TRIP12: variants seen among roughly 807,000 people sequenced by gnomAD.
The protein encoded by TRIP12 is E3 ubiquitin-protein ligase TRIP12.
In TRIP12, 25 loss-of-function variants were observed where a neutral mutation model predicts 244.2. The observed-to-expected ratio is 0.10, with a 90% CI of 0.07 to 0.14. The LOEUF (loss-of-function observed/expected upper bound fraction) is 0.14, where lower values mean the gene tolerates loss of function less well. TRIP12 is among the 10% of genes least tolerant of loss of function. The probability of loss-of-function intolerance (pLI) is 1.00; values close to 1 mark genes in which losing one functional copy is unlikely to be tolerated. For synonymous variants in TRIP12, 905 were observed against 873.1 expected (o/e 1.04, Z -0.64); for missense variants, 1,677 against 2,486.4 (o/e 0.67, Z 6.92).
In TRIP12 at chr2:229,861,881, TA is replaced by T. The variant is rs199950303; in HGVS notation, c.99-1351del. Among the ~76,000 whole-genome samples the T allele has an allele frequency of 3.7e-3, 558 of 151,440 alleles. 4 individuals are homozygous for T. The highest frequency in any genetic ancestry group is 0.021 in the Middle Eastern group (6 of 292). The stretch of plus-strand genomic sequence containing the variant: ...GACTTATTAGAATAGATGAATTTCT[TA>T]AAAAAAAATAACAAAAAAACAAAAC... On this transcript the variant is annotated intron_variant, in intron 2 of 41. Coordinates refer to ENST00000675903, the MANE Select transcript of TRIP12 (RefSeq NM_001348323.3).
intron 39 of TRIP12, 151 bp from the exon 40 acceptor site, chr2:229,769,476 A>C: frequency 2.5e-6 from 1 of 401,374 alleles, no homozygotes; most frequent in Non-Finnish European, 4.2e-6. Flanking sequence ...AAAAATAATA[A>C]TAAAATAAAA....
Position 229,767,308 on chromosome 2 carries a change from T to TA in TRIP12, c.*245dup. 1 of 378,924 alleles carries TA rather than the reference T, an allele frequency of 2.6e-6. No individual in the cohort carries two copies. 23.5% of individuals were successfully genotyped at this position (378,924 alleles called of 1,614,324 possible). On this transcript the variant is annotated 3_prime_UTR_variant, in exon 42 of 42. Transcript: ENST00000675903. ...CATGTTAAAAACTTCACTCATCAAA[T>TA]AAATGATAATTTAAACAAGAACTTG... is the stretch of plus-strand genomic sequence containing the variant.
At position 229,807,778 on chromosome 2, in the gene TRIP12, G is replaced by T; in HGVS notation, c.2426C>A (p.Ala809Glu). 1 of 1,613,994 alleles carries T rather than the reference G, an allele frequency of 6.2e-7. No individual in the cohort carries two copies. The highest frequency in any genetic ancestry group is 8.5e-7 in the Non-Finnish European group (1 of 1,179,990). ...KKGNAQNTDGAIWQWRDDRGL... is the reference protein window; with the variant it reads ...KKGNAQNTDGEIWQWRDDRGL... Reference sequence around the variant, plus strand: ...CCGATCATCACGCCACTGCCATATCGCACCATCTGTGTTCTGTGCATTTCC... The same window carrying T: ...CCGATCATCACGCCACTGCCATATCTCACCATCTGTGTTCTGTGCATTTCC... Residue 809 changes from alanine to glutamate, a missense_variant, in exon 17 of 42, where the codon GCG (alanine) becomes GAG (glutamate). Ala to Glu is a moderately radical substitution (Grantham distance 107). Transcript: ENST00000675903.
At chr2:229,908,851 G>C (rs2073607030) in intron 1 of TRIP12, among the ~76,000 whole-genome samples, 1 of 152,116 alleles carries the variant, frequency 6.6e-6, no homozygotes, top group Admixed American at 6.6e-5. Flanking sequence ...CAGCATTCTG[G>C]GAGGCCGAGG....
At chr2:229,842,800 T>C (rs2056761919) in intron 4 of TRIP12, among the ~76,000 whole-genome samples, 1 of 152,232 alleles carries the variant, frequency 6.6e-6, no homozygotes. Flanking sequence ...TTTGAAGTGA[T>C]GACATATTTT....
At chr2:229,839,008 C>G (rs919683279) in intron 5 of TRIP12, among the ~76,000 whole-genome samples, 1 of 152,170 alleles carries the variant, frequency 6.6e-6, no homozygotes, top group African/African-American at 2.4e-5. Context: ...AATCATTCCC[C>G]CCTGCATTAC....
intron 1 of TRIP12, among the ~76,000 whole-genome samples, chr2:229,900,065 C>A (rs2154368857): frequency 6.6e-6 from 1 of 152,308 alleles, no homozygotes; most frequent in African/African-American, 2.4e-5. Context: ...AACACAGTTG[C>A]ACAAAATAAC....
intron 1 of TRIP12, among the ~76,000 whole-genome samples, chr2:229,917,569 C>G (rs1201452444): frequency 6.6e-6 from 1 of 151,966 alleles, no homozygotes; most frequent in Non-Finnish European, 1.5e-5. Flanking sequence ...AAAAGTGGCA[C>G]AGAATAATCC....
In TRIP12 at chr2:229,767,457, CG is replaced by C; in HGVS notation, c.*96del. ...AGCCGTTTTTCCTACAACAAGAAGG[CG>C]TAACATGTTTCCTTGACTCAGGTGA... On this transcript the variant is annotated 3_prime_UTR_variant, in exon 42 of 42. Transcript: ENST00000675903. 1 of 1,405,326 alleles carries C rather than the reference CG, an allele frequency of 7.1e-7. No individual in the cohort carries two copies. Among genetic ancestry groups the C allele is most frequent in the African/African-American group, 1.4e-5 (1 of 69,176 alleles). The allele number at this position is 1,405,326 out of a possible 1,614,324, so 87.1% of individuals were successfully genotyped here.
chr2:229,768,566 C>G (rs2032829583), intron 41 of TRIP12, 50 bp downstream of exon 41: 9 of 1,573,834 alleles, frequency 5.7e-6, no homozygotes, highest in Non-Finnish European at 7.8e-6. Flanking sequence ...TTCACACTCA[C>G]AAACCCACCC....
At chr2:229,880,986 T>A (rs759552238) in intron 1 of TRIP12, among the ~76,000 whole-genome samples, 4 of 152,144 alleles carry the variant, frequency 2.6e-5, no homozygotes, top group African/African-American at 4.8e-5. Flanking sequence ...TATAGTATCT[T>A]ACTGAAAAGA....
chr2:229,906,610 C>CT (rs1445940035), intron 1 of TRIP12, among the ~76,000 whole-genome samples: 1 of 151,022 alleles, frequency 6.6e-6, no homozygotes, highest in African/African-American at 2.4e-5. Context: ...GTCCCAGCTA[C>CT]TTGGGAGGCT....
chr2:229,903,497 A>G (rs2071684158), intron 1 of TRIP12, among the ~76,000 whole-genome samples: 1 of 152,084 alleles, frequency 6.6e-6, no homozygotes, highest in Admixed American at 6.6e-5. Context: ...ACGGAGCAAG[A>G]AGAGCAAGTA....
Position 229,799,326 on chromosome 2 carries a change from T to C in TRIP12, c.3264A>G (p.Pro1088=). The C allele has an allele frequency of 6.2e-7, 1 of 1,614,200 alleles. No individual in the cohort carries two copies. The highest frequency in any genetic ancestry group is 1.3e-5 in the African/African-American group (1 of 75,050). The stretch of plus-strand genomic sequence containing the variant: ...CATCATCTCTTGGAGGTGAGTACTT[T>C]GGCCTTCTTGGCCCTCGTTTTGGCA... ...KRLPKRGPRR[P]KYSPPRDDDK... is the part of the protein sequence containing the mutation. Residue 1088 remains proline (P), a synonymous_variant, in exon 22 of 42, where the codon CCA becomes CCG. Transcript: ENST00000675903.
At chr2:229,900,351 C>T (rs998494798) in intron 1 of TRIP12, among the ~76,000 whole-genome samples, 13 of 152,150 alleles carry the variant, frequency 8.5e-5, no homozygotes, top group Admixed American at 3.3e-4. Flanking sequence ...AACCAACAAA[C>T]GTATTTTCTA....
chr2:229,883,099 G>C (rs1445023313), intron 1 of TRIP12, among the ~76,000 whole-genome samples: 1 of 152,158 alleles, frequency 6.6e-6, no homozygotes, highest in Admixed American at 6.5e-5. Context: ...TAAAACCAGA[G>C]GGCTGGAAGG....
At chr2:229,895,705 A>G (rs184282504) in intron 1 of TRIP12, among the ~76,000 whole-genome samples, 25 of 152,090 alleles carry the variant, frequency 1.6e-4, no homozygotes, top group African/African-American at 6.0e-4. Context: ...CCAGAAGTAG[A>G]AGAGTGAAGA....
In TRIP12 at chr2:229,767,665, T is replaced by G; in HGVS notation, c.6093A>C (p.Val2031=). 6.2e-7 allele frequency: 1 copy of G among 1,614,166 alleles called. No individual in the cohort carries two copies. Among genetic ancestry groups the G allele is most frequent in the Non-Finnish European group, 8.5e-7 (1 of 1,180,014 alleles). ...TENPDDFLPS[V]MTCVNYLKLP... is the part of the protein sequence containing the mutation. ...ACTTAAGATAGTTCACACAAGTCAT[T>G]ACAGAGGGCAAGAAGTCATCTGGGT... The change falls in exon 42 of 42, where the codon GTA becomes GTC. Residue 2031 remains valine, a synonymous_variant. Transcript: ENST00000675903.
chr2:229,814,199 G>A (rs2047945545), intron 12 of TRIP12, 34 bp downstream of exon 12: 1 of 1,601,010 alleles, frequency 6.2e-7, no homozygotes, highest in Non-Finnish European at 8.5e-7. Flanking sequence ...TCTACATAAA[G>A]TGAAATGTAG....
Sources: allele counts gnomAD v4.1 joint callset (sites outside exome capture counted in the v4.1 genomes callset), GRCh38; gene constraint gnomAD v4.1.1; transcripts MANE v1.5; gene names NCBI Gene and HGNC (gene_info 2026-07-23, HGNC 2026-07-21).